Variants in DLG5 observed in about 807,000 individuals in gnomAD.
DLG5 encodes disks large homolog 5.
A neutral mutation model predicts 189.8 loss-of-function variants in DLG5; 48 were observed. The observed-to-expected ratio is 0.25, with a 90% confidence interval of 0.20 to 0.32. The LOEUF (loss-of-function observed/expected upper bound fraction) is 0.32, where lower values mean the gene tolerates loss of function less well. Among genes scored for constraint, DLG5 ranks in the 10% least tolerant of loss-of-function variants. The pLI is 1.00. For missense variants in DLG5, 2,160 were observed against 2,544.7 expected, an observed-to-expected ratio of 0.85 and a Z score of 3.25; for synonymous variants, 1,016 against 1,054.1, an observed-to-expected ratio of 0.96 and a Z score of 0.70.
intron 7 of DLG5, among the ~76,000 whole-genome samples, chr10:77,840,104 G>A (rs180979226): frequency 1.3e-5 from 2 of 152,362 alleles, no homozygotes; most frequent in East Asian, 1.9e-4. Flanking sequence ...CTGGCTGGGT[G>A]CAGGGGCTCA....
In DLG5 at chr10:77,820,727, C is replaced by T. The variant is rs568594524; in HGVS notation, c.3402+355G>A. On this transcript the variant is annotated intron_variant, in intron 15 of 31. Coordinates refer to ENST00000372391, the MANE Select transcript of DLG5 (RefSeq NM_004747.4). Reference sequence around the variant, plus strand: ...ACTATGACAGCACACGCAATCAGGCCGTCCCGCTGCCCACTCAGCCTCACA... The same window carrying T: ...ACTATGACAGCACACGCAATCAGGCTGTCCCGCTGCCCACTCAGCCTCACA... 28 of 284,968 alleles carry T rather than the reference C, an allele frequency of 9.8e-5. 2 individuals are homozygous for T. The highest frequency in any genetic ancestry group is 6.8e-5 in the East Asian group (1 of 14,644). 17.7% of individuals were successfully genotyped at this position (284,968 alleles called of 1,614,324 possible).
At chr10:77,924,520 C>G (rs1020070174) in intron 1 of DLG5, among the ~76,000 whole-genome samples, 1 of 152,180 alleles carries the variant, frequency 6.6e-6, no homozygotes, top group African/African-American at 2.4e-5. Context: ...CTGTGCTTTA[C>G]GAAAGACTTT....
At chr10:77,891,982 G>A (rs1002140279) in intron 1 of DLG5, among the ~76,000 whole-genome samples, 1 of 152,202 alleles carries the variant, frequency 6.6e-6, no homozygotes, top group African/African-American at 2.4e-5. Flanking sequence ...CTGCAGGTTG[G>A]CTCAGAGACA....
chr10:77,798,557 A>AT (rs2154574886), intron 27 of DLG5, among the ~76,000 whole-genome samples: 1 of 152,250 alleles, frequency 6.6e-6, no homozygotes, highest in Admixed American at 6.5e-5. Context: ...TTATAAACTG[A>AT]TTTTTATATG....
chr10:77,939,636 G>T, the DLG5 span, among the ~76,000 whole-genome samples: 1 of 152,316 alleles, frequency 6.6e-6, no homozygotes, highest in East Asian at 1.9e-4. Flanking sequence ...CCCCACAGGT[G>T]GGGGCAAGGC....
At position 77,807,882 on chromosome 10, in the gene DLG5, G is replaced by A. The variant is rs1313964123; in HGVS notation, c.4710C>T (p.Pro1570=). ...GCACCTTCAGGCGGACGCCATCCCTGGGCTTCAGCATCTCCACATAGACTT... is the reference window on the plus strand; with the variant it reads ...GCACCTTCAGGCGGACGCCATCCCTAGGCTTCAGCATCTCCACATAGACTT... ...VEEVYVEMLK[P]RDGVRLKVQY... is the part of the protein sequence containing the mutation. Residue 1570 remains proline, a synonymous_variant, in exon 25 of 32, where the codon CCC becomes CCT. Transcript: ENST00000372391. 5 of 1,614,210 alleles carry A rather than the reference G, an allele frequency of 3.1e-6. No homozygotes were observed. In the East Asian group the frequency reaches 1.1e-4, roughly 36 times the overall value.
intron 1 of DLG5, among the ~76,000 whole-genome samples, chr10:77,869,895 T>C (rs1051964779): frequency 3.3e-5 from 5 of 152,124 alleles, no homozygotes; most frequent in African/African-American, 7.2e-5. Flanking sequence ...TAGCTCTATG[T>C]AGGTGCCCAT....
intron 13 of DLG5, among the ~76,000 whole-genome samples, chr10:77,825,820 G>T (rs1442324396): frequency 1.3e-5 from 2 of 151,942 alleles, no homozygotes; most frequent in African/African-American, 2.4e-5. Flanking sequence ...GCCTCCCAAA[G>T]TGCTAGGATT....
Position 77,792,376 on chromosome 10 carries a change from A to T in DLG5, c.*64T>A, listed in dbSNP as rs1840680486. On this transcript the variant is annotated 3_prime_UTR_variant, in exon 32 of 32. Transcript: ENST00000372391. ...ACAGACTTCTACTTTCAGTCGCTAG[A>T]AAAGAGCTGAGTCTGGTGTCCCCTC... is the stretch of plus-strand genomic sequence containing the variant. 2.0e-6 allele frequency: 3 copies of T among 1,470,926 alleles called. No homozygotes were observed. Among genetic ancestry groups the T allele is most frequent in the Admixed American group, 1.7e-5 (1 of 59,714 alleles). 91.1% of individuals were successfully genotyped at this position (1,470,926 alleles called of 1,614,324 possible).
At chr10:77,894,486 T>G (rs1419528907) in intron 1 of DLG5, among the ~76,000 whole-genome samples, 1 of 151,756 alleles carries the variant, frequency 6.6e-6, no homozygotes, top group Non-Finnish European at 1.5e-5. Flanking sequence ...TTTTTCTTCT[T>G]CATTAATTAA....
intron 27 of DLG5, 145 bp downstream of exon 27, chr10:77,805,520 C>T (rs1841422815): frequency 5.5e-6 from 5 of 911,832 alleles, no homozygotes; most frequent in Non-Finnish European, 8.0e-6. Flanking sequence ...GGCAGCACCC[C>T]CCGACCAAGC....
intron 1 of DLG5, among the ~76,000 whole-genome samples, chr10:77,886,791 G>T (rs1399572975): frequency 6.6e-6 from 1 of 152,160 alleles, no homozygotes; most frequent in Non-Finnish European, 1.5e-5. Flanking sequence ...TTAATATGAG[G>T]CCATGAGGGT....
rs550495468 is a variant in DLG5, at chr10:77,809,263, G to A, written c.4647+284C>T. Among the ~76,000 whole-genome samples the A allele has an allele frequency of 4.9e-4, 74 of 151,912 alleles. No individual in the cohort carries two copies. The Middle Eastern group carries it at 0.014, about 28-fold the overall frequency. On this transcript the variant is annotated intron_variant, in intron 24 of 31. Coordinates refer to ENST00000372391, the MANE Select transcript of DLG5 (RefSeq NM_004747.4). ...TCTACTGAAAATATAAAAATTAGCC[G>A]GGTATCGTGGCACATGCCTGTAGTC...
the DLG5 span, among the ~76,000 whole-genome samples, chr10:77,934,299 A>T: frequency 6.9e-6 from 1 of 144,592 alleles, no homozygotes; most frequent in South Asian, 2.3e-4. Context: ...TGAACCTGGG[A>T]GGCAGAGGTT....
chr10:77,872,480 C>T (rs1332651364), intron 1 of DLG5, among the ~76,000 whole-genome samples: 1 of 152,222 alleles, frequency 6.6e-6, no homozygotes, highest in East Asian at 1.9e-4. Context: ...CTGGGCATCA[C>T]TCCCACCCCC....
intron 1 of DLG5, among the ~76,000 whole-genome samples, chr10:77,897,834 C>T (rs1393974027): frequency 6.6e-6 from 1 of 151,716 alleles, no homozygotes; most frequent in Non-Finnish European, 1.5e-5. Context: ...AAAATGAGGG[C>T]CTATACAAAC....
chr10:77,859,571 G>A (rs1228672083), intron 2 of DLG5, among the ~76,000 whole-genome samples: 1 of 152,186 alleles, frequency 6.6e-6, no homozygotes, highest in Admixed American at 6.5e-5. Flanking sequence ...AGCCAGTACA[G>A]TACCATGCTG....
chr10:77,813,087 G>A (rs967929023), intron 20 of DLG5, among the ~76,000 whole-genome samples: 1 of 152,234 alleles, frequency 6.6e-6, no homozygotes, highest in Admixed American at 6.5e-5. Context: ...TTAGAAAGAA[G>A]ATAAGGGACG....
chr10:77,876,167 C>G (rs570254959), intron 1 of DLG5, among the ~76,000 whole-genome samples: 1 of 150,480 alleles, frequency 6.6e-6, no homozygotes, highest in African/African-American at 2.4e-5. Flanking sequence ...AGCATCACTG[C>G]GCTAAAAAAA....
Sources: gnomAD v4.1 joint callset for allele counts (sites outside exome capture counted in the v4.1 genomes callset) on GRCh38, gnomAD v4.1.1 for gene constraint, MANE v1.5 for transcripts, NCBI Gene and HGNC (gene_info 2026-07-23, HGNC 2026-07-21) for gene names.